STK33: variants seen among roughly 807,000 people sequenced by gnomAD.
The protein encoded by STK33 is serine/threonine-protein kinase 33.
Under a neutral mutation model 58.0 loss-of-function variants are expected in STK33, and 52 were observed. The observed-to-expected ratio is 0.90, with a 90% CI of 0.72 to 1.13. The LOEUF (loss-of-function observed/expected upper bound fraction) is 1.13, where lower values mean the gene tolerates loss of function less well. STK33 is among the 50% of genes most tolerant of loss of function. STK33 has a pLI of 0.00. For missense variants in STK33, 630 were observed against 604.2 expected (o/e 1.04, Z -0.45); for synonymous variants, 215 against 200.1 (o/e 1.07, Z -0.63).
At chr11:8,519,673 C>T (rs1953196177) in intron 1 of STK33, among the ~76,000 whole-genome samples, 1 of 152,138 alleles carries the variant, frequency 6.6e-6, no homozygotes, top group South Asian at 2.1e-4. Flanking sequence ...CACCACCGAT[C>T]CCACAGAAAT....
chr11:8,570,773 T>C (rs1263416326), intron 1 of STK33, among the ~76,000 whole-genome samples: 1 of 152,166 alleles, frequency 6.6e-6, no homozygotes, highest in Admixed American at 6.5e-5. Context: ...ATGGATATGT[T>C]CACTATCTTC....
chr11:8,523,694 G>A (rs1035994826), intron 1 of STK33, among the ~76,000 whole-genome samples: 22 of 144,102 alleles, frequency 1.5e-4, no homozygotes, highest in Non-Finnish European at 2.2e-4. Context: ...CGCCACTTCC[G>A]GGAGGTGGGG....
At position 8,450,558 on chromosome 11, in the gene STK33, TA is replaced by T. The variant is rs377695421; in HGVS notation, c.871+2263del. The stretch of plus-strand genomic sequence containing the variant: ...TATCTTAGAACTTAAAGTATAATAA[TA>T]AAAAAAAGTTCATGATCATAATAAA... On this transcript the variant is annotated intron_variant, in intron 11 of 15. Coordinates refer to ENST00000687296, the MANE Select transcript of STK33 (RefSeq NM_001352389.2). Among the ~76,000 whole-genome samples the T allele has an allele frequency of 1.9e-3, 295 of 151,602 alleles. 3 individuals are homozygous for T. The highest frequency in any genetic ancestry group is 6.7e-3 in the African/African-American group (279 of 41,388).
chr11:8,351,696 C>T, the STK33 span, among the ~76,000 whole-genome samples: 1 of 152,198 alleles, frequency 6.6e-6, no homozygotes, highest in Non-Finnish European at 1.5e-5. Flanking sequence ...GAGCGTCGTC[C>T]GGAGGTGGAC....
At chr11:8,580,378 C>T (rs995548089) in intron 1 of STK33, among the ~76,000 whole-genome samples, 1 of 151,616 alleles carries the variant, frequency 6.6e-6, no homozygotes, top group Non-Finnish European at 1.5e-5. Flanking sequence ...GAAAGAAAAA[C>T]ATCAAATGTT....
chr11:8,451,607 G>A (rs1253567032), intron 11 of STK33, among the ~76,000 whole-genome samples: 3 of 152,306 alleles, frequency 2.0e-5, no homozygotes, highest in East Asian at 3.9e-4. Flanking sequence ...ACTGGGATAG[G>A]AATAAGATTG....
chr11:8,518,991 C>A (rs1221756203), intron 1 of STK33, among the ~76,000 whole-genome samples: 4 of 152,266 alleles, frequency 2.6e-5, no homozygotes, highest in African/African-American at 7.2e-5. Context: ...CCAAGCGGAC[C>A]TAATAGACAT....
Position 8,392,708 on chromosome 11 carries a change from A to T in STK33, c.1347T>A (p.Ser449=). ...YTSDEEEEKQ[S]TAYEKQFPAT... is the part of the protein sequence containing the mutation. The stretch of plus-strand genomic sequence containing the variant: ...CAGGAAATTGCTTTTCATAAGCAGT[A>T]GACTGCAAATAAAAGGTCTTGATTA... Residue 449 remains serine (S), a splice_region_variant and synonymous_variant, in exon 16 of 16, where the codon TCT becomes TCA. Coordinates refer to ENST00000687296, the MANE Select transcript of STK33 (RefSeq NM_001352389.2). 1 of 1,614,142 alleles carries T rather than the reference A, an allele frequency of 6.2e-7. No individual in the cohort carries two copies. The highest frequency in any genetic ancestry group is 8.5e-7 in the Non-Finnish European group (1 of 1,179,988).
chr11:8,590,624 A>T (rs1300444650), intron 1 of STK33, among the ~76,000 whole-genome samples: 1 of 152,190 alleles, frequency 6.6e-6, no homozygotes, highest in Non-Finnish European at 1.5e-5. Flanking sequence ...TAAACTTTTT[A>T]AAATAAAACA....
At chr11:8,504,215 A>G (rs1238221221) in intron 1 of STK33, among the ~76,000 whole-genome samples, 1 of 152,212 alleles carries the variant, frequency 6.6e-6, no homozygotes, top group Admixed American at 6.5e-5. Context: ...GAAAGGGTAG[A>G]TAGGAGCTTT....
intron 1 of STK33, among the ~76,000 whole-genome samples, chr11:8,534,566 C>G (rs60340740): frequency 0.24 from 24,821 of 105,330 alleles, 2,712 homozygotes; most frequent in African/African-American, 0.4. Context: ...CTCTCTCTCT[C>G]TCTGTGTGTG....
chr11:8,388,042 C>T (rs898235684), downstream of STK33, among the ~76,000 whole-genome samples: 1 of 152,146 alleles, frequency 6.6e-6, no homozygotes, highest in Non-Finnish European at 1.5e-5. Flanking sequence ...CCAGCAGAAG[C>T]CTGGACGGAG....
chr11:8,589,381 T>A (rs11042001), intron 1 of STK33, among the ~76,000 whole-genome samples: 8,999 of 152,146 alleles, frequency 0.059, 497 homozygotes, highest in African/African-American at 0.15. Context: ...TTTGAAAACA[T>A]CATGCTAAGG....
intron 15 of STK33, 115 bp from the exon 16 acceptor site, chr11:8,392,825 T>A: frequency 1.1e-6 from 1 of 949,686 alleles, no homozygotes; most frequent in Non-Finnish European, 1.6e-6. Flanking sequence ...TCTCTAGATA[T>A]AGGGTCCAAA....
At chr11:8,354,474 TCACACACACACACA>T in the STK33 span, among the ~76,000 whole-genome samples, 3,860 of 124,750 alleles carry the variant, frequency 0.031, 70 homozygotes, top group Non-Finnish European at 0.045. Flanking sequence ...CTGCAAAACC[TCACACACACACACA>T]CACACACACA....
intron 1 of STK33, among the ~76,000 whole-genome samples, chr11:8,508,005 C>G (rs989290189): frequency 1.3e-5 from 2 of 152,156 alleles, no homozygotes; most frequent in African/African-American, 4.8e-5. Flanking sequence ...ATTCTTCCAT[C>G]TCAGCTTCCC....
At chr11:8,388,320 T>A (rs1848572304), downstream of STK33, among the ~76,000 whole-genome samples, 1 of 152,080 alleles carries the variant, frequency 6.6e-6, no homozygotes, top group African/African-American at 2.4e-5. Context: ...AAGCACAGAG[T>A]TGAGCTGATT....
At position 8,394,556 on chromosome 11, in the gene STK33, C is replaced by T. The variant is rs191572784; in HGVS notation, c.1345-1846G>A. ...GGCTTAATGGTTCCATTCTTCTTTA[C>T]TGCTTCATTTGTTAATGTAATTGAG... is the stretch of plus-strand genomic sequence containing the variant. On this transcript the variant is annotated intron_variant, in intron 15 of 15. Coordinates refer to ENST00000687296, the MANE Select transcript of STK33 (RefSeq NM_001352389.2). 1.8e-3 allele frequency among the ~76,000 whole-genome samples: 268 copies of T among 152,258 alleles called. 3 individuals carry two copies. Among genetic ancestry groups the T allele is most frequent in the Non-Finnish European group, 4.7e-4 (32 of 68,014 alleles).
intron 8 of STK33, among the ~76,000 whole-genome samples, chr11:8,460,819 G>A (rs1947429522): frequency 1.3e-5 from 2 of 152,150 alleles, no homozygotes; most frequent in South Asian, 2.1e-4. Flanking sequence ...ACTGAAAAGG[G>A]CAGAGACTTT....
Sources: gnomAD v4.1 joint callset for allele counts (sites outside exome capture counted in the v4.1 genomes callset) on GRCh38, gnomAD v4.1.1 for gene constraint, MANE v1.5 for transcripts, NCBI Gene and HGNC (gene_info 2026-07-23, HGNC 2026-07-21) for gene names.